The following MYH14 variants were observed in gnomAD, a reference collection of about 807,000 sequenced individuals.
The protein encoded by MYH14 is myosin heavy chain 14.
In MYH14, 123 loss-of-function variants were observed where a neutral mutation model predicts 255.5. The ratio of observed to expected loss-of-function variants is 0.48; its 90% CI spans 0.42 to 0.56. The LOEUF (loss-of-function observed/expected upper bound fraction) is 0.56. Ranked by LOEUF, MYH14 falls within the 20% of genes least tolerant of loss-of-function variation. The probability of loss-of-function intolerance (pLI) is 0.00; values close to 1 mark genes in which losing one functional copy is unlikely to be tolerated. For missense variants in MYH14, 2,423 were observed against 2,802.3 expected, an observed-to-expected ratio of 0.86 and a Z score of 3.06; for synonymous variants, 1,095 against 1,161.2, an observed-to-expected ratio of 0.94 and a Z score of 1.16.
intron 1 of MYH14, among the ~76,000 whole-genome samples, chr19:50,204,532 G>C (rs1249023081): frequency 1.3e-5 from 2 of 152,104 alleles, no homozygotes; most frequent in Admixed American, 1.3e-4. Context: ...GCCTTACTTT[G>C]ACCCTTCCTG....
intron 36 of MYH14, 83 bp downstream of exon 36, chr19:50,291,131 C>CG: frequency 7.2e-7 from 1 of 1,383,660 alleles, no homozygotes; most frequent in Non-Finnish European, 9.8e-7. Context: ...AAGGCTAGCT[C>CG]GGACCCCTCG....
intron 5 of MYH14, 168 bp downstream of exon 5, chr19:50,223,517 G>A: frequency 1.5e-6 from 1 of 648,090 alleles, no homozygotes; most frequent in Non-Finnish European, 2.8e-6. Flanking sequence ...AGCAGAGTCA[G>A]GGGGACACAG....
At chr19:50,245,970 C>G (rs1477529506) in intron 11 of MYH14, among the ~76,000 whole-genome samples, 1 of 112,380 alleles carries the variant, frequency 8.9e-6, no homozygotes, top group African/African-American at 3.4e-5. Context: ...CTCCTTCCCT[C>G]CCTCCTTCCT....
At chr19:50,233,706 T>C (rs2033518992) in intron 10 of MYH14, among the ~76,000 whole-genome samples, 1 of 152,120 alleles carries the variant, frequency 6.6e-6, no homozygotes. Context: ...TCTGGCAATC[T>C]TCGGCGTTCC....
intron 39 of MYH14, among the ~76,000 whole-genome samples, chr19:50,299,371 A>C (rs1310107973): frequency 6.6e-6 from 1 of 151,976 alleles, no homozygotes; most frequent in Non-Finnish European, 1.5e-5. Flanking sequence ...GGAGTTTGAG[A>C]CCAGCCTGCC....
intron 33 of MYH14, among the ~76,000 whole-genome samples, chr19:50,283,671 T>C (rs2035796717): frequency 6.6e-6 from 1 of 152,244 alleles, no homozygotes; most frequent in South Asian, 2.1e-4. Flanking sequence ...GAGCATCTTT[T>C]CATATGCTTA....
At chr19:50,305,404 C>G (rs1020808122) in intron 40 of MYH14, among the ~76,000 whole-genome samples, 1 of 152,016 alleles carries the variant, frequency 6.6e-6, no homozygotes, top group African/African-American at 2.4e-5. Context: ...GGAATATTGG[C>G]TTTTTGGAGG....
chr19:50,231,328 C>T (rs1227916374), intron 9 of MYH14, among the ~76,000 whole-genome samples: 1 of 152,268 alleles, frequency 6.6e-6, no homozygotes, highest in East Asian at 1.9e-4. Flanking sequence ...TGACTTGGGC[C>T]TGCAGCCCCA....
At position 50,268,278 on chromosome 19, in the gene MYH14, G is replaced by T; in HGVS notation, c.2944G>T (p.Val982Leu). ...CCGCAAGCAGGAGCTGGAGCTGGTG[G>T]TGTCAGAGCTGGAGGCTCGCGTGGG... is the stretch of plus-strand genomic sequence containing the variant. Reference protein sequence around the residue: ...AARKQELELVVSELEARVGEE... With the variant: ...AARKQELELVLSELEARVGEE... The change falls in exon 24 of 43, where the codon GTG (valine) becomes TTG (leucine). Residue 982 changes from valine to leucine, a missense_variant. By Grantham distance (32) the Val-to-Leu change is conservative (BLOSUM62 1). This residue lies in a region of MYH14 where 1,513 missense variants were observed against 1,674.8 expected (regional missense o/e 0.90). Coordinates refer to ENST00000642316, the MANE Select transcript of MYH14 (RefSeq NM_001145809.2). 6.3e-7 allele frequency: 1 copy of T among 1,584,368 alleles called. No individual in the cohort carries two copies. Among genetic ancestry groups the T allele is most frequent in the Non-Finnish European group, 8.6e-7 (1 of 1,166,172 alleles).
Position 50,309,691 on chromosome 19 carries a change from AGAGGAGGGCGTG to A in MYH14, c.6014_6025del (p.Glu2005_Val2008del). 2 of 1,608,954 alleles carry A rather than the reference AGAGGAGGGCGTG, an allele frequency of 1.2e-6. No homozygotes were observed. The highest frequency in any genetic ancestry group is 4.5e-5 in the East Asian group (2 of 44,582). On this transcript the variant is annotated inframe_deletion, in exon 43 of 43. Coordinates refer to ENST00000642316, the MANE Select transcript of MYH14 (RefSeq NM_001145809.2). ...GCACGGTGCGCCAGGTCTTCCGACT[AGAGGAGGGCGTG>A]GCATCCGACGAGGAGGCAGAGGAAG...
intron 33 of MYH14, among the ~76,000 whole-genome samples, chr19:50,282,167 T>G (rs532345370): frequency 6.6e-6 from 1 of 152,332 alleles, no homozygotes; most frequent in South Asian, 2.1e-4. Flanking sequence ...TCATCTCACT[T>G]CTGCTGATTC....
chr19:50,279,772 C>T (rs566133519), intron 30 of MYH14, among the ~76,000 whole-genome samples: 14 of 152,354 alleles, frequency 9.2e-5, no homozygotes, highest in Non-Finnish European at 1.6e-4. Context: ...CGCCTCTTGG[C>T]GATGGTGAGT....
intron 8 of MYH14, among the ~76,000 whole-genome samples, chr19:50,227,228 C>CTG (rs2033154530): frequency 6.6e-6 from 1 of 152,046 alleles, no homozygotes; most frequent in Non-Finnish European, 1.5e-5. Flanking sequence ...TGCAGTGGCA[C>CTG]TCATGGTGAC....
At chr19:50,268,502 G>GA (rs2123378426) in intron 24 of MYH14, 135 bp downstream of exon 24, 1 of 991,224 alleles carries the variant, frequency 1.0e-6, no homozygotes, top group Non-Finnish European at 1.5e-6. Context: ...TTTGCAAAAA[G>GA]AATACATTTT....
chr19:50,210,251 G>A, intron 1 of MYH14, 112 bp from the exon 2 acceptor site: 1 of 987,482 alleles, frequency 1.0e-6, no homozygotes, highest in Non-Finnish European at 1.4e-6. Flanking sequence ...AGTATGGCAA[G>A]AGGTCTGGTA....
chr19:50,237,664 C>T (rs938972501), intron 10 of MYH14, among the ~76,000 whole-genome samples: 2 of 152,154 alleles, frequency 1.3e-5, no homozygotes, highest in Non-Finnish European at 2.9e-5. Flanking sequence ...TCTACCTCGT[C>T]GCTGTCCACA....
intron 35 of MYH14, 87 bp from the exon 36 acceptor site, chr19:50,290,800 C>A: frequency 2.1e-6 from 3 of 1,396,720 alleles, no homozygotes; most frequent in Non-Finnish European, 2.9e-6. Context: ...TGGGCAGGAG[C>A]TCCAGGGCAG....
Position 50,278,287 on chromosome 19 carries a change from C to T in MYH14, c.4030C>T (p.Gln1344Ter). ...GGCTGCTGAGAAGCTGCAGCGAGCC[C>T]AGGTAAGTGGGGTGGGCAGGGCAGA... ...AEAAEKLQRAQAELENVSGAL... is the reference protein window; with the variant it reads ...AEAAEKLQRA The change falls in exon 30 of 43, where the codon CAG (glutamine) becomes TAG (stop). Residue 1344 changes from glutamine to a stop codon, truncating the protein, a stop_gained and splice_region_variant. Coordinates refer to ENST00000642316, the MANE Select transcript of MYH14 (RefSeq NM_001145809.2). LOFTEE classifies it high-confidence loss of function. The T allele has an allele frequency of 6.5e-7, 1 of 1,544,558 alleles. No homozygotes were observed. Among genetic ancestry groups the T allele is most frequent in the Non-Finnish European group, 8.8e-7 (1 of 1,142,604 alleles).
chr19:50,270,578 CA>C (rs1389431032), intron 24 of MYH14, among the ~76,000 whole-genome samples: 1 of 150,590 alleles, frequency 6.6e-6, no homozygotes, highest in East Asian at 2.0e-4. Context: ...AAAATAAATT[CA>C]AAAAATAAAA....
Sources: gnomAD v4.1 joint callset for allele counts (sites outside exome capture counted in the v4.1 genomes callset) on GRCh38, gnomAD v4.1.1 for gene constraint, gnomAD v4.1.1 regional missense constraint, MANE v1.5 for transcripts, NCBI Gene and HGNC (gene_info 2026-07-23, HGNC 2026-07-21) for gene names.